CHIC1: variants seen among roughly 807,000 people sequenced by gnomAD.
CHIC1 encodes the protein cysteine rich hydrophobic domain 1, also known as cysteine-rich hydrophobic domain-containing protein 1.
A neutral mutation model predicts 18.5 loss-of-function variants in CHIC1; 7 were observed. That is an observed-to-expected ratio of 0.38 (90% CI 0.22 to 0.71). CHIC1 has a LOEUF of 0.71. Ranked by LOEUF, CHIC1 falls within the 30% of genes least tolerant of loss-of-function variation. The probability of loss-of-function intolerance (pLI) is 0.49; values close to 1 mark genes in which losing one functional copy is unlikely to be tolerated. For synonymous variants in CHIC1, 77 were observed against 73.5 expected, an observed-to-expected ratio of 1.05 and a Z score of -0.25; for missense variants, 159 against 176.9, an observed-to-expected ratio of 0.90 and a Z score of 0.57.
intron 3 of CHIC1, among the ~76,000 whole-genome samples, chrX:73,616,892 C>T (rs2057735785): frequency 8.9e-6 from 1 of 111,924 alleles, no homozygotes; most frequent in South Asian, 3.7e-4. Flanking sequence ...TCTGACATGC[C>T]CTGGAGACAT....
chrX:73,640,379 CTTACTT>C, intron 3 of CHIC1, among the ~76,000 whole-genome samples: 1 of 111,790 alleles, frequency 8.9e-6, no homozygotes, highest in Non-Finnish European at 1.9e-5. Flanking sequence ...AGGGATAAAT[CTTACTT>C]GATCATGGCA....
chrX:73,583,242 A>G (rs1162680065), intron 2 of CHIC1, among the ~76,000 whole-genome samples: 2 of 111,399 alleles, frequency 1.8e-5, no homozygotes, highest in African/African-American at 6.5e-5. Context: ...TAAAGCTTAT[A>G]TATGTAATGT....
chrX:73,679,064 A>G (rs982285650), intron 3 of CHIC1, among the ~76,000 whole-genome samples: 4 of 112,180 alleles, frequency 3.6e-5, no homozygotes, highest in Non-Finnish European at 7.5e-5. Flanking sequence ...CAACACAAAG[A>G]AATTCATACA....
At chrX:73,582,325 T>C (rs764776507) in intron 2 of CHIC1, among the ~76,000 whole-genome samples, 2 of 110,814 alleles carry the variant, frequency 1.8e-5, no homozygotes, top group Admixed American at 9.6e-5. Context: ...AAGCTAAATA[T>C]GTTCATATTT....
chrX:73,593,042 G>T (rs907929911), intron 3 of CHIC1, among the ~76,000 whole-genome samples: 2 of 110,394 alleles, frequency 1.8e-5, no homozygotes, highest in Non-Finnish European at 3.8e-5. Flanking sequence ...CTGTGAGATT[G>T]GTTGTAATGT....
chrX:73,680,937 C>T lies in CHIC1; in HGVS notation c.625-18C>T, dbSNP rs1248473177. ...ATGAAAAATATTTTGTAAATATATT[C>T]TTGTTTTTATTTTGCAGGTAATACT... On this transcript the variant is annotated intron_variant, in intron 5 of 5. Transcript: ENST00000373502. 3 of 880,440 alleles carry T rather than the reference C, an allele frequency of 3.4e-6. No individual in the cohort carries two copies. The highest frequency in any genetic ancestry group is 4.8e-6 in the Non-Finnish European group (3 of 623,905). The allele number at this position is 880,440 out of a possible 1,213,427, so 72.6% of individuals were successfully genotyped here. A position where few individuals can be genotyped will look rare whatever the true frequency, so the allele number is the denominator to read the frequency against.
At chrX:73,623,460 C>T (rs1195580312) in intron 3 of CHIC1, among the ~76,000 whole-genome samples, 1 of 109,515 alleles carries the variant, frequency 9.1e-6, no homozygotes, top group Non-Finnish European at 1.9e-5. Context: ...CTTTTTTGAT[C>T]TTTGTTGGTT....
At chrX:73,594,760 T>C (rs1292826538) in intron 3 of CHIC1, among the ~76,000 whole-genome samples, 1 of 111,794 alleles carries the variant, frequency 8.9e-6, no homozygotes, top group Non-Finnish European at 1.9e-5. Context: ...ACTTCTCAAT[T>C]CTTCCTTTCT....
intron 3 of CHIC1, among the ~76,000 whole-genome samples, chrX:73,597,030 G>C (rs1228212062): frequency 8.9e-6 from 1 of 111,867 alleles, no homozygotes; most frequent in Non-Finnish European, 1.9e-5. Context: ...TGAAAAATGG[G>C]ATGTAACTAA....
chrX:73,651,269 T>G (rs2057914924), intron 3 of CHIC1, among the ~76,000 whole-genome samples: 1 of 111,556 alleles, frequency 9.0e-6, no homozygotes, highest in African/African-American at 3.3e-5. Context: ...ACAGCCAATA[T>G]CATATTGAAT....
rs374638866 is a variant in CHIC1, at chrX:73,608,483, G to A, written c.507+23911G>A. On this transcript the variant is annotated intron_variant, in intron 3 of 5. Coordinates refer to ENST00000373502, the MANE Select transcript of CHIC1 (RefSeq NM_001039840.4). ...ATTACATTCAATCGGTACATTTTTC[G>A]GGGGTAGTATTGTCATCTTAACAAT... Among the ~76,000 whole-genome samples, 20 of 107,908 alleles carry A rather than the reference G, an allele frequency of 1.9e-4. 2 individuals carry two copies. Among genetic ancestry groups the A allele is most frequent in the African/African-American group, 6.1e-4 (17 of 27,717 alleles). The allele number at this position is 107,908 out of a possible 115,157, so 93.7% of individuals were successfully genotyped here. A position where few individuals can be genotyped will look rare whatever the true frequency, so the allele number is the denominator to read the frequency against.
intron 3 of CHIC1, among the ~76,000 whole-genome samples, chrX:73,667,762 A>G (rs1240201103): frequency 9.0e-6 from 1 of 110,899 alleles, no homozygotes; most frequent in Non-Finnish European, 1.9e-5. Context: ...TTCCCCTTGT[A>G]TGTGACTTGG....
At position 73,656,734 on chromosome X, in the gene CHIC1, T is replaced by C. The variant is rs1466155016; in HGVS notation, c.508-22592T>C. On this transcript the variant is annotated intron_variant, in intron 3 of 5. Coordinates refer to ENST00000373502, the MANE Select transcript of CHIC1 (RefSeq NM_001039840.4). ...TAGTATAGTTCAGAGTCAGGTAGCG[T>C]GATGCCTTCAGCTTTATTGTTTTTT... 8.9e-5 allele frequency among the ~76,000 whole-genome samples: 10 copies of C among 112,302 alleles called. No homozygotes were observed. In the East Asian group the frequency reaches 2.8e-3, roughly 31 times the overall value.
At chrX:73,588,745 A>G (rs1338366172) in intron 3 of CHIC1, among the ~76,000 whole-genome samples, 1 of 110,435 alleles carries the variant, frequency 9.1e-6, no homozygotes, top group Non-Finnish European at 1.9e-5. Context: ...TTACACATTC[A>G]ATATTTACTT....
At chrX:73,584,696 T>A in intron 3 of CHIC1, 124 bp downstream of exon 3, 2 of 495,532 alleles carry the variant, frequency 4.0e-6, no homozygotes, top group Non-Finnish European at 6.1e-6. Flanking sequence ...AATGCTATCT[T>A]TATTTTAGAG....
chrX:73,600,641 G>T (rs1240517622), intron 3 of CHIC1, among the ~76,000 whole-genome samples: 1 of 107,651 alleles, frequency 9.3e-6, no homozygotes, highest in African/African-American at 3.6e-5. Context: ...TACATTTATT[G>T]ATTTGCGTAT....
Position 73,685,694 on chromosome X carries a change from C to T in CHIC1, c.*4689C>T, listed in dbSNP as rs1455077411. On this transcript the variant is annotated 3_prime_UTR_variant, in exon 6 of 6. Transcript: ENST00000373502. ...ATATATTAGTGTGCTTTGAAGTTGA[C>T]TGAAAGATATACTGGATATCATAAT... is the stretch of plus-strand genomic sequence containing the variant. The T allele has an allele frequency of 2.7e-5, 3 of 111,670 alleles. No homozygotes were observed. Among genetic ancestry groups the T allele is most frequent in the African/African-American group, 9.7e-5 (3 of 30,826 alleles). The allele number at this position is 111,670 out of a possible 1,213,427, so 9.2% of individuals were successfully genotyped here.
At chrX:73,615,833 G>A (rs1006766118) in intron 3 of CHIC1, among the ~76,000 whole-genome samples, 1 of 111,092 alleles carries the variant, frequency 9.0e-6, no homozygotes, top group Non-Finnish European at 1.9e-5. Context: ...GGTCAGGTGG[G>A]GTTGCTTTTA....
intron 3 of CHIC1, among the ~76,000 whole-genome samples, chrX:73,637,270 A>C (rs1473621361): frequency 9.1e-6 from 1 of 109,404 alleles, no homozygotes; most frequent in Non-Finnish European, 1.9e-5. Context: ...TGTATATGAC[A>C]AGTTACTTCT....
Sources: allele counts gnomAD v4.1 joint callset (sites outside exome capture counted in the v4.1 genomes callset), GRCh38; gene constraint gnomAD v4.1.1; transcripts MANE v1.5; gene names NCBI Gene and HGNC (gene_info 2026-07-23, HGNC 2026-07-21).